The following ADSS1 variants were observed in gnomAD, a reference collection of about 807,000 sequenced individuals.
ADSS1 encodes adenylosuccinate synthetase isozyme 1.
ADSS1 carries 57 observed loss-of-function variants against 59.1 expected under a neutral mutation model. That is an observed-to-expected ratio of 0.97 (90% CI 0.78 to 1.20). The LOEUF is 1.20. Ranked by LOEUF, ADSS1 falls within the 50% of genes most tolerant of loss-of-function variation. The probability of loss-of-function intolerance (pLI) is 0.00; values close to 1 mark genes in which losing one functional copy is unlikely to be tolerated. For synonymous variants in ADSS1, 247 were observed against 249.4 expected (o/e 0.99, Z 0.09); for missense variants, 603 against 610.3 (o/e 0.99, Z 0.13).
intron 9 of ADSS1, among the ~76,000 whole-genome samples, chr14:104,742,857 G>A (rs1364099873): frequency 6.6e-6 from 1 of 152,190 alleles, no homozygotes; most frequent in Admixed American, 6.5e-5. Context: ...GGCATTGTGG[G>A]CCAGGCCTTG....
At chr14:104,742,626 C>T (rs1035692726) in intron 9 of ADSS1, among the ~76,000 whole-genome samples, 13 of 152,214 alleles carry the variant, frequency 8.5e-5, no homozygotes, top group Non-Finnish European at 1.8e-4. Context: ...AAAGCCAACA[C>T]GGGGAGGGGC....
At chr14:104,729,244 G>C (rs889658321) in intron 1 of ADSS1, among the ~76,000 whole-genome samples, 3 of 152,170 alleles carry the variant, frequency 2.0e-5, no homozygotes, top group African/African-American at 7.2e-5. Context: ...GGCCCTGGCA[G>C]GTCAAAGGAG....
At chr14:104,736,881 G>GATATATATATATATATATATATATATAT (rs57122419) in intron 2 of ADSS1, among the ~76,000 whole-genome samples, 3 of 106,588 alleles carry the variant, frequency 2.8e-5, no homozygotes, top group African/African-American at 7.1e-5. Context: ...GCACCTAGCT[G>GATATATATATATATATATATATATATAT]ATATATATAT....
At chr14:104,745,297 G>A (rs1309798470) in intron 11 of ADSS1, 1 of 176,934 alleles carries the variant, frequency 5.7e-6, no homozygotes, top group Non-Finnish European at 1.2e-5. Context: ...CTATGCGGAC[G>A]TACAGGATGA....
chr14:104,734,168 C>G (rs7141697), intron 1 of ADSS1, among the ~76,000 whole-genome samples: 85,597 of 152,150 alleles, frequency 0.56, 25,499 homozygotes, highest in African/African-American at 0.75. Context: ...GGAGCCCTAT[C>G]AGCCGTGCCT....
chr14:104,731,654 T>TG (rs1467679850), intron 1 of ADSS1, among the ~76,000 whole-genome samples: 1 of 152,104 alleles, frequency 6.6e-6, no homozygotes, highest in African/African-American at 2.4e-5. Context: ...CGGCTGGACG[T>TG]GGGGACCCTG....
rs149160536 is a variant in ADSS1 at position 104,729,066 on chromosome 14, G to C, written c.192+4604G>C. On this transcript the variant is annotated intron_variant, in intron 1 of 12. Transcript: ENST00000330877. ...AGGTAGCGAGCCTCGTCCAGGTGTT[G>C]CTGCAGGTAGGGCTGACGATGGGGG... is the stretch of plus-strand genomic sequence containing the variant. Among the ~76,000 whole-genome samples the C allele has an allele frequency of 5.7e-3, 873 of 152,328 alleles. 6 individuals are homozygous for C. The highest frequency in any genetic ancestry group is 0.028 in the South Asian group (134 of 4,834).
rs534953832 is a variant in ADSS1 at position 104,741,357 on chromosome 14, G to A, written c.793+114G>A. The A allele has an allele frequency of 3.6e-5, 49 of 1,365,478 alleles. No homozygotes were observed. The African/African-American group carries it at 6.3e-4, about 17-fold the overall frequency. 84.6% of individuals were successfully genotyped at this position (1,365,478 alleles called of 1,614,324 possible). A position where few individuals can be genotyped will look rare whatever the true frequency, so the allele number is the denominator to read the frequency against. Reference sequence around the variant, plus strand: ...GGGAGGGGCAGACCCGCTTTCCAAGGCCACAGTGCCATCCATGCCCGCGGA... The same window carrying A: ...GGGAGGGGCAGACCCGCTTTCCAAGACCACAGTGCCATCCATGCCCGCGGA... On this transcript the variant is annotated intron_variant, in intron 8 of 12. Transcript: ENST00000330877.
Position 104,747,180 on chromosome 14 carries a change from C to A in ADSS1, c.*177C>A. 1 of 550,016 alleles carries A rather than the reference C, an allele frequency of 1.8e-6. No individual in the cohort carries two copies. 34.1% of individuals were successfully genotyped at this position (550,016 alleles called of 1,614,324 possible). On this transcript the variant is annotated 3_prime_UTR_variant, in exon 13 of 13. Coordinates refer to ENST00000330877, the MANE Select transcript of ADSS1 (RefSeq NM_152328.5). Reference sequence around the variant, plus strand: ...ATGATTTTAAACATTGGAAAGCCAGCCTTGTGTATATTTTTAAAAATTATA... The same window carrying A: ...ATGATTTTAAACATTGGAAAGCCAGACTTGTGTATATTTTTAAAAATTATA...
chr14:104,746,541 G>A (rs1891565991), intron 12 of ADSS1, among the ~76,000 whole-genome samples, 156 bp downstream of exon 12: 1 of 152,222 alleles, frequency 6.6e-6, no homozygotes, highest in Non-Finnish European at 1.5e-5. Context: ...CGGAGCTGGG[G>A]CAGTGTGGCT....
At chr14:104,745,428 G>A (rs1388653170) in intron 11 of ADSS1, 2 of 156,090 alleles carry the variant, frequency 1.3e-5, no homozygotes, top group African/African-American at 4.8e-5. Context: ...GGGTTTCACA[G>A]GTTTCAGTTT....
chr14:104,738,633 G>A lies in ADSS1; in HGVS notation c.358+195G>A, dbSNP rs1405145131. On this transcript the variant is annotated intron_variant, in intron 3 of 12. Coordinates refer to ENST00000330877, the MANE Select transcript of ADSS1 (RefSeq NM_152328.5). ...TGAGCTGGGCAACCCAGAGGCCTCA[G>A]ATGCTGGTGGCCTCAGCATCACGGG... 4.6e-5 allele frequency among the ~76,000 whole-genome samples: 7 copies of A among 152,262 alleles called. 1 individual carries two copies. Among genetic ancestry groups the A allele is most frequent in the Non-Finnish European group, 1.0e-4 (7 of 68,034 alleles).
intron 1 of ADSS1, 46 bp downstream of exon 1, chr14:104,724,508 C>G (rs767210336): frequency 1.6e-6 from 2 of 1,227,736 alleles, no homozygotes; most frequent in Non-Finnish European, 2.0e-6. Context: ...CCAGCGAGCC[C>G]CCCTCCCCCG....
chr14:104,735,454 C>T (rs1481584559), intron 2 of ADSS1, among the ~76,000 whole-genome samples: 2 of 152,360 alleles, frequency 1.3e-5, no homozygotes, highest in Non-Finnish European at 2.9e-5. Context: ...GGAGACCACA[C>T]GCCCATGTGC....
At position 104,741,985 on chromosome 14, in the gene ADSS1, CCCA is replaced by C; in HGVS notation, c.934_936del (p.Thr312del). On this transcript the variant is annotated inframe_deletion, in exon 9 of 13. Coordinates refer to ENST00000330877, the MANE Select transcript of ADSS1 (RefSeq NM_152328.5). ...CACACGTGTGGGCATCGGGGCCTTC[CCCA>C]CCGAGCAGATCAACGTGAGTCCCCA... 5.0e-6 allele frequency: 8 copies of C among 1,613,048 alleles called. No individual in the cohort carries two copies. The highest frequency in any genetic ancestry group is 5.9e-6 in the Non-Finnish European group (7 of 1,179,928).
chr14:104,741,769 A>C (rs45518837), intron 8 of ADSS1, 79 bp from the exon 9 acceptor site: 1 of 1,563,132 alleles, frequency 6.4e-7, no homozygotes, highest in Admixed American at 1.8e-5. Context: ...ACTGCCCTTT[A>C]CTGAGAAGGC....
chr14:104,726,053 G>A (rs1219438823), intron 1 of ADSS1, among the ~76,000 whole-genome samples: 4 of 152,292 alleles, frequency 2.6e-5, no homozygotes, highest in South Asian at 4.1e-4. Context: ...CAGCAGGCTG[G>A]AGCCCATCCC....
At position 104,746,898 on chromosome 14, in the gene ADSS1, T is replaced by C. The variant is rs528159471; in HGVS notation, c.1322-53T>C. On this transcript the variant is annotated intron_variant, in intron 12 of 12. Coordinates refer to ENST00000330877, the MANE Select transcript of ADSS1 (RefSeq NM_152328.5). ...AGATACGACACTAAAGACAACTTTT[T>C]CTGAACTTTCTGCCTCCAGTGTGTA... 9 of 1,593,114 alleles carry C rather than the reference T, an allele frequency of 5.6e-6. No individual in the cohort carries two copies. In the South Asian group the frequency reaches 9.9e-5, roughly 18 times the overall value.
chr14:104,725,645 C>T (rs2140738439), intron 1 of ADSS1, among the ~76,000 whole-genome samples: 1 of 152,312 alleles, frequency 6.6e-6, no homozygotes, highest in South Asian at 2.1e-4. Flanking sequence ...CTCCAGAGAT[C>T]CCCCAGGTCC....
Sources: gnomAD v4.1 joint callset for allele counts (sites outside exome capture counted in the v4.1 genomes callset) on GRCh38, gnomAD v4.1.1 for gene constraint, MANE v1.5 for transcripts, NCBI Gene and HGNC (gene_info 2026-07-23, HGNC 2026-07-21) for gene names.